Variants in ZNF416 observed in about 807,000 individuals in gnomAD.
ZNF416 encodes the protein zinc finger protein 416.
ZNF416 carries 5 observed loss-of-function variants against 10.9 expected under a neutral mutation model. The ratio of observed to expected loss-of-function variants is 0.46; its 90% CI spans 0.24 to 0.97. The LOEUF is 0.97. Among genes scored for constraint, ZNF416 ranks in the 50% least tolerant of loss-of-function variants. ZNF416 has a pLI of 0.19. For missense variants in ZNF416, 675 were observed against 715.0 expected (o/e 0.94, Z 0.64); for synonymous variants, 267 against 251.8 (o/e 1.06, Z -0.57).
In ZNF416 at chr19:57,578,658, G is replaced by A. The variant is rs775494224; in HGVS notation, c.33+14C>T. 1 of 1,549,736 alleles carries A rather than the reference G, an allele frequency of 6.5e-7. No individual in the cohort carries two copies. The highest frequency in any genetic ancestry group is 8.7e-7 in the Non-Finnish European group (1 of 1,149,264). On this transcript the variant is annotated intron_variant, in intron 1 of 3. Transcript: ENST00000196489. ...CGGAGAGGGCAGGTGAGGCCCGGGA[G>A]ACGCAGCACTCACCGAAGTCGAATC...
chr19:57,577,591 C>G (rs1978590296), intron 2 of ZNF416, among the ~76,000 whole-genome samples: 1 of 152,200 alleles, frequency 6.6e-6, no homozygotes, highest in African/African-American at 2.4e-5. Flanking sequence ...ATACCTCACA[C>G]TCAGCCTGTT....
chr19:57,577,151 A>G (rs1978565027), intron 2 of ZNF416, among the ~76,000 whole-genome samples: 1 of 152,140 alleles, frequency 6.6e-6, no homozygotes, highest in Non-Finnish European at 1.5e-5. Flanking sequence ...AAATGTCTCT[A>G]TCCTGAATCC....
rs557448143 is a variant in ZNF416 at position 57,572,335 on chromosome 19, G to C, written c.1569C>G (p.Asp523Glu). The C allele has an allele frequency of 6.2e-7, 1 of 1,614,152 alleles. No homozygotes were observed. The highest frequency in any genetic ancestry group is 2.2e-5 in the East Asian group (1 of 44,872). Residue 523 changes from aspartate (D) to glutamate (E), a missense_variant, in exon 4 of 4, where the codon GAC becomes GAG. Coordinates refer to ENST00000196489, the MANE Select transcript of ZNF416 (RefSeq NM_017879.3). This position sits in a 1 kb window ranked among gnomAD's most constrained non-coding sequence, Gnocchi z 4.5. ...QKIHTGLRPY[D>E]CGQCGKSFIQ... ...TAAAGGATTTCCCGCACTGTCCACA[G>C]TCGTAAGGCCTTAATCCAGTGTGAA...
In ZNF416 at chr19:57,578,887, A is replaced by T. The variant is rs917935564; in HGVS notation, c.-183T>A. On this transcript the variant is annotated 5_prime_UTR_variant, in exon 1 of 4. An upstream start codon of the reference 5' UTR is lost. Coordinates refer to ENST00000196489, the MANE Select transcript of ZNF416 (RefSeq NM_017879.3). ...GAGGTAGAGAACCACCAAAATTACC[A>T]TCTCGGAGCGGTGCCGGAAGTCCCG... 8.2e-6 allele frequency: 4 copies of T among 488,774 alleles called. No individual in the cohort carries two copies. The East Asian group carries it at 1.4e-4, about 17-fold the overall frequency. The allele number at this position is 488,774 out of a possible 1,614,324, so 30.3% of individuals were successfully genotyped here. A position where few individuals can be genotyped will look rare whatever the true frequency, so the allele number is the denominator to read the frequency against.
chr19:57,578,153 G>C (rs886265), intron 1 of ZNF416, 55 bp from the exon 2 acceptor site: 631,498 of 1,585,474 alleles, frequency 0.4, 127,033 homozygotes, highest in Non-Finnish European at 0.41. Context: ...AGCTCCATGG[G>C]CTGATGCCTC....
chr19:57,571,864 C>A lies in ZNF416; in HGVS notation c.*255G>T. 2.2e-6 allele frequency: 1 copy of A among 453,980 alleles called. No homozygotes were observed. The highest frequency in any genetic ancestry group is 3.6e-5 in the Admixed American group (1 of 28,034). 28.1% of individuals were successfully genotyped at this position (453,980 alleles called of 1,614,324 possible). A position where few individuals can be genotyped will look rare whatever the true frequency, so the allele number is the denominator to read the frequency against. The stretch of plus-strand genomic sequence containing the variant: ...GAGAACACAGGTGTATCTGCCTCGC[C>A]TTAGTATGCAAGGGTGACTAATGAT... On this transcript the variant is annotated 3_prime_UTR_variant, in exon 4 of 4. Transcript: ENST00000196489.
intron 1 of ZNF416, chr19:57,578,333 A>T (rs1439846602): frequency 1.7e-6 from 1 of 597,208 alleles, no homozygotes; most frequent in Non-Finnish European, 3.0e-6. Flanking sequence ...GAGTAACTTT[A>T]GAAAAAATTT....
Position 57,572,147 on chromosome 19 carries a change from G to T in ZNF416, c.1757C>A (p.Pro586His), listed in dbSNP as rs1217109067. ...RPRDSSKCGK[P>H]YSPRSNIV ...AACAATGTTAGATCTTGGGCTGTAGGGTTTTCCACATTTGCTGCTGTCACG... is the reference window on the plus strand; with the variant it reads ...AACAATGTTAGATCTTGGGCTGTAGTGTTTTCCACATTTGCTGCTGTCACG... The change falls in exon 4 of 4, where the codon CCC (proline) becomes CAC (histidine). Residue 586 changes from proline to histidine, a missense_variant. Pro to His is a moderately conservative substitution (Grantham distance 77, BLOSUM62 -2). Transcript: ENST00000196489. This position sits in a 1 kb window ranked among gnomAD's most constrained non-coding sequence, Gnocchi z 4.5. 6.2e-7 allele frequency: 1 copy of T among 1,613,262 alleles called. No homozygotes were observed. Among genetic ancestry groups the T allele is most frequent in the Non-Finnish European group, 8.5e-7 (1 of 1,179,260 alleles).
At chr19:57,578,206 G>C (rs1428206893) in intron 1 of ZNF416, 108 bp from the exon 2 acceptor site, 4 of 1,106,514 alleles carry the variant, frequency 3.6e-6, no homozygotes. Flanking sequence ...ACTTGGTGAT[G>C]ACTAAATTAT....
chr19:57,578,580 C>A (rs1599911241), intron 1 of ZNF416, 92 bp downstream of exon 1: 1 of 1,373,210 alleles, frequency 7.3e-7, no homozygotes, highest in South Asian at 1.5e-5. Flanking sequence ...ACTCTAGGGT[C>A]GGGCTGCAGG....
chr19:57,576,883 C>T (rs1454786893), intron 2 of ZNF416, among the ~76,000 whole-genome samples: 1 of 152,092 alleles, frequency 6.6e-6, no homozygotes, highest in Non-Finnish European at 1.5e-5. Context: ...AAGCATTGAT[C>T]TCATGCCCAC....
chr19:57,574,297 C>A (rs1978446181), intron 3 of ZNF416, among the ~76,000 whole-genome samples: 1 of 152,184 alleles, frequency 6.6e-6, no homozygotes, highest in Non-Finnish European at 1.5e-5. Context: ...ACTCAAATTA[C>A]CCAATCCTAA....
In ZNF416 at chr19:57,575,149, A is replaced by G. The variant is rs1568607688; in HGVS notation, c.202+655T>C. ...AGGGCAAATTCCTGGTAAGATTAGA[A>G]AACAGGCTGGATGCCATGTCCTCAC... On this transcript the variant is annotated intron_variant, in intron 3 of 3. Coordinates refer to ENST00000196489, the MANE Select transcript of ZNF416 (RefSeq NM_017879.3). This position sits in a 1 kb window ranked among gnomAD's most constrained non-coding sequence, Gnocchi z 4.4. 6.6e-6 allele frequency among the ~76,000 whole-genome samples: 1 copy of G among 152,234 alleles called. No individual in the cohort carries two copies.
rs530543667 is a variant in ZNF416, at chr19:57,572,774, G to T, written c.1130C>A (p.Thr377Lys). ...STLVRHQRTH[T>K]GEKPYECGEC... ...ACCACACTCATATGGCTTTTCTCCT[G>T]TGTGAGTTCTCTGGTGTCGAACAAG... The change falls in exon 4 of 4, where the codon ACA (threonine) becomes AAA (lysine). Residue 377 changes from threonine (T) to lysine (K), a missense_variant. By Grantham distance (78) the Thr-to-Lys change is moderately conservative (BLOSUM62 -1). Coordinates refer to ENST00000196489, the MANE Select transcript of ZNF416 (RefSeq NM_017879.3). The surrounding 1 kb of genome is among the most constrained non-coding windows in gnomAD (Gnocchi z 4.5). 7 of 1,614,178 alleles carry T rather than the reference G, an allele frequency of 4.3e-6. No individual in the cohort carries two copies. In the South Asian group the frequency reaches 6.6e-5, roughly 15 times the overall value.
chr19:57,573,799 T>C, intron 3 of ZNF416, 98 bp from the exon 4 acceptor site: 1 of 1,467,794 alleles, frequency 6.8e-7, no homozygotes, highest in East Asian at 2.3e-5. Flanking sequence ...TGTTCTGACA[T>C]CTTAAAAACT....
Position 57,571,953 on chromosome 19 carries a change from G to T in ZNF416, c.*166C>A. The T allele has an allele frequency of 1.2e-6, 1 of 815,224 alleles. No individual in the cohort carries two copies. The allele number at this position is 815,224 out of a possible 1,614,324, so 50.5% of individuals were successfully genotyped here. On this transcript the variant is annotated 3_prime_UTR_variant, in exon 4 of 4. Transcript: ENST00000196489. ...AAAGGAGCTCCTGCAAGACACATATGCCTGGAACTAATGGGAGTCTGACCC... is the reference window on the plus strand; with the variant it reads ...AAAGGAGCTCCTGCAAGACACATATTCCTGGAACTAATGGGAGTCTGACCC...
rs770137296 is a variant in ZNF416, at chr19:57,572,942, G to A, written c.962C>T (p.Thr321Ile). The A allele has an allele frequency of 6.2e-7, 1 of 1,613,974 alleles. No individual in the cohort carries two copies. The highest frequency in any genetic ancestry group is 1.6e-4 in the Middle Eastern group (1 of 6,062). The change falls in exon 4 of 4, where the codon ACT (threonine) becomes ATT (isoleucine). Residue 321 changes from threonine (T) to isoleucine (I), a missense_variant. Transcript: ENST00000196489. The surrounding 1 kb of genome is among the most constrained non-coding windows in gnomAD (Gnocchi z 4.5). ...ACCACACTCGTAAGGCCTTTCTCCA[G>A]TGTGAACTCTGTGATGTTTAATGAG... ...ATLIKHHRVH[T>I]GERPYECGEC...
At chr19:57,574,200 A>C (rs1046085374) in intron 3 of ZNF416, among the ~76,000 whole-genome samples, 1 of 152,176 alleles carries the variant, frequency 6.6e-6, no homozygotes, top group Admixed American at 6.5e-5. Flanking sequence ...TGGATGCTTC[A>C]GGAGCTAATA....
intron 2 of ZNF416, 115 bp downstream of exon 2, chr19:57,577,942 C>T: frequency 2.6e-6 from 3 of 1,162,076 alleles, no homozygotes; most frequent in Non-Finnish European, 3.9e-6. Flanking sequence ...GATGTTTGTT[C>T]AGGATTCCTA....
Sources: allele counts gnomAD v4.1 joint callset (sites outside exome capture counted in the v4.1 genomes callset), GRCh38; gene constraint gnomAD v4.1.1; non-coding constraint Gnocchi (gnomAD v3.1); transcripts MANE v1.5; gene names NCBI Gene and HGNC (gene_info 2026-07-23, HGNC 2026-07-21).